Variants in ZC3H7B observed in about 807,000 individuals in gnomAD.
ZC3H7B encodes zinc finger CCCH-type containing 7B, also known as zinc finger CCCH domain-containing protein 7B.
In ZC3H7B, 35 loss-of-function variants were observed where a neutral mutation model predicts 116.0. The observed-to-expected ratio is 0.30, with a 90% CI of 0.23 to 0.40. The LOEUF (loss-of-function observed/expected upper bound fraction) is 0.40, where lower values mean the gene tolerates loss of function less well. Ranked by LOEUF, ZC3H7B falls within the 10% of genes least tolerant of loss-of-function variation. ZC3H7B has a pLI of 1.00. For missense variants in ZC3H7B, 1,011 were observed against 1,321.5 expected (o/e 0.77, Z 3.64); for synonymous variants, 502 against 545.6 (o/e 0.92, Z 1.11).
At chr22:41,345,893 C>T in intron 13 of ZC3H7B, 110 bp from the exon 14 acceptor site, 1 of 1,132,630 alleles carries the variant, frequency 8.8e-7, no homozygotes, top group Non-Finnish European at 1.3e-6. Flanking sequence ...TGGAGCGAAG[C>T]CCTGCCTGGC....
At chr22:41,331,742 A>C (rs2036387027) in intron 6 of ZC3H7B, among the ~76,000 whole-genome samples, 1 of 151,994 alleles carries the variant, frequency 6.6e-6, no homozygotes. Flanking sequence ...GTGGTGGTGC[A>C]TGCCTGTAGT....
intron 14 of ZC3H7B, among the ~76,000 whole-genome samples, chr22:41,347,713 G>T (rs995056323): frequency 3.3e-5 from 5 of 152,250 alleles, no homozygotes; most frequent in Non-Finnish European, 4.4e-5. Context: ...CCCACAGGGA[G>T]CATTGGCCTG....
intron 2 of ZC3H7B, among the ~76,000 whole-genome samples, chr22:41,323,807 A>G (rs1168420518): frequency 2.6e-5 from 4 of 152,244 alleles, no homozygotes; most frequent in Non-Finnish European, 4.4e-5. Context: ...GCGGTGGCTC[A>G]TGCCTGTAAT....
rs183742627 is a variant in ZC3H7B at position 41,309,504 on chromosome 22, G to T, written c.-7+7732G>T. 1.8e-4 allele frequency among the ~76,000 whole-genome samples: 27 copies of T among 151,064 alleles called. No individual in the cohort carries two copies. In the Admixed American group the frequency reaches 1.8e-3, roughly 10 times the overall value. On this transcript the variant is annotated intron_variant, in intron 1 of 22. Transcript: ENST00000352645. ...TAATTTTTGTATTTTTATTAGAGAT[G>T]GGGTTTCACCATGTTGGCCAGGCTG...
At chr22:41,337,977 C>G (rs1011281545) in intron 7 of ZC3H7B, among the ~76,000 whole-genome samples, 15 of 151,918 alleles carry the variant, frequency 9.9e-5, no homozygotes, top group Non-Finnish European at 1.5e-4. Context: ...AAACCATTCT[C>G]CTGCCTCAGC....
At chr22:41,305,118 G>A (rs972866731) in intron 1 of ZC3H7B, among the ~76,000 whole-genome samples, 3 of 152,136 alleles carry the variant, frequency 2.0e-5, no homozygotes, top group Non-Finnish European at 4.4e-5. Flanking sequence ...ACGCCGGGGC[G>A]GGTGGATCAC....
intron 2 of ZC3H7B, among the ~76,000 whole-genome samples, chr22:41,321,569 T>G (rs1320708936): frequency 6.6e-6 from 1 of 152,142 alleles, no homozygotes; most frequent in Non-Finnish European, 1.5e-5. Context: ...CAGGCTGGTC[T>G]CAAACTCCTG....
At chr22:41,329,031 CAAAAAAAAAAAAAA>C (rs905189346) in intron 5 of ZC3H7B, among the ~76,000 whole-genome samples, 3 of 40,482 alleles carry the variant, frequency 7.4e-5, no homozygotes, top group Non-Finnish European at 1.7e-4. Context: ...TACTAAAATA[CAAAAAAAAAAAAAA>C]AAAAAAAAAA....
intron 1 of ZC3H7B, among the ~76,000 whole-genome samples, chr22:41,304,054 G>C (rs2036008810): frequency 6.9e-6 from 1 of 145,374 alleles, no homozygotes; most frequent in South Asian, 2.2e-4. Flanking sequence ...ACCATGCCCA[G>C]CCTTCTTTTT....
chr22:41,313,583 A>C (rs1043703123), intron 1 of ZC3H7B, among the ~76,000 whole-genome samples: 1 of 152,168 alleles, frequency 6.6e-6, no homozygotes, highest in Non-Finnish European at 1.5e-5. Context: ...TGCTCATTTT[A>C]GTACATGTTG....
Position 41,327,343 on chromosome 22 carries a change from G to A in ZC3H7B, c.423G>A (p.Arg141=), listed in dbSNP as rs145727121. The A allele has an allele frequency of 1.7e-5, 27 of 1,611,992 alleles. No homozygotes were observed. The African/African-American group carries it at 3.6e-4, about 22-fold the overall frequency. The change falls in exon 5 of 23, where the codon CGG becomes CGA. Residue 141 remains arginine (R), a synonymous_variant. Coordinates refer to ENST00000352645, the MANE Select transcript of ZC3H7B (RefSeq NM_017590.6). The surrounding 1 kb of genome is among the most constrained non-coding windows in gnomAD (Gnocchi z 4.5). Reference sequence around the variant, plus strand: ...AGGAGGCCTACGAGTGCAGCAGCCGGTGTTCCCTCGCCCTGCCCCACGTGA... The same window carrying A: ...AGGAGGCCTACGAGTGCAGCAGCCGATGTTCCCTCGCCCTGCCCCACGTGA... The part of the protein sequence containing the change: ...RHKEAYECSS[R]CSLALPHDES...
chr22:41,318,396 G>A (rs963311633), intron 1 of ZC3H7B, among the ~76,000 whole-genome samples: 8 of 152,078 alleles, frequency 5.3e-5, no homozygotes, highest in African/African-American at 1.9e-4. Flanking sequence ...GGGTGTGGTG[G>A]CAGGCGCCTG....
At chr22:41,304,037 G>A (rs763205617) in intron 1 of ZC3H7B, among the ~76,000 whole-genome samples, 2 of 151,900 alleles carry the variant, frequency 1.3e-5, no homozygotes, top group Non-Finnish European at 2.9e-5. Context: ...GATTACAGGC[G>A]TGAGCCACCA....
chr22:41,356,820 A>G lies in ZC3H7B; in HGVS notation c.2681+12A>G, dbSNP rs753846653. ...CGGCTCTGCGACAGGTGCTCCTGGG[A>G]GGGCAGGGCCTGGCGGGACATGGGG... is the stretch of plus-strand genomic sequence containing the variant. On this transcript the variant is annotated intron_variant, in intron 22 of 22. Transcript: ENST00000352645. 19 of 1,612,824 alleles carry G rather than the reference A, an allele frequency of 1.2e-5. No homozygotes were observed. The highest frequency in any genetic ancestry group is 8.3e-5 in the Admixed American group (5 of 59,988).
At chr22:41,332,026 C>A in intron 6 of ZC3H7B, 145 bp from the exon 7 acceptor site, 1 of 805,130 alleles carries the variant, frequency 1.2e-6, no homozygotes, top group Non-Finnish European at 2.0e-6. Flanking sequence ...CAGTTGATTT[C>A]CGGCAGGCCT....
chr22:41,326,177 C>T (rs2036315587), intron 4 of ZC3H7B, among the ~76,000 whole-genome samples: 1 of 152,190 alleles, frequency 6.6e-6, no homozygotes, highest in Admixed American at 6.5e-5. Flanking sequence ...CTAGCCCTGC[C>T]CTAGATGAAG....
chr22:41,301,544 GTGC>G lies in ZC3H7B; in HGVS notation c.-231_-229del, dbSNP rs1365958889. On this transcript the variant is annotated 5_prime_UTR_variant, in exon 1 of 23. Coordinates refer to ENST00000352645, the MANE Select transcript of ZC3H7B (RefSeq NM_017590.6). Reference sequence around the variant, plus strand: ...TGCAGGGAGACAGTGCCTCCAGCGGGTGCTGCCGCGAGCGGCCAGCCGAGGGGC... The same window carrying G: ...TGCAGGGAGACAGTGCCTCCAGCGGGTGCCGCGAGCGGCCAGCCGAGGGGC... The G allele has an allele frequency of 6.6e-6, 1 of 152,198 alleles. No individual in the cohort carries two copies. Among genetic ancestry groups the G allele is most frequent in the African/African-American group, 2.4e-5 (1 of 41,444 alleles). 9.4% of individuals were successfully genotyped at this position (152,198 alleles called of 1,614,324 possible). A position where few individuals can be genotyped will look rare whatever the true frequency, so the allele number is the denominator to read the frequency against.
chr22:41,327,465 A>C lies in ZC3H7B; in HGVS notation c.444+101A>C. The C allele has an allele frequency of 6.8e-6, 10 of 1,469,472 alleles. No homozygotes were observed. The highest frequency in any genetic ancestry group is 2.5e-4 in the Middle Eastern group (1 of 4,042). The allele number at this position is 1,469,472 out of a possible 1,614,324, so 91.0% of individuals were successfully genotyped here. ...CAGCCACCACATCCTTCTGTGTCTC[A>C]CTTCCTCCCCTGTGACATGGCCATG... On this transcript the variant is annotated intron_variant, in intron 5 of 22. Transcript: ENST00000352645. The surrounding 1 kb of genome is among the most constrained non-coding windows in gnomAD (Gnocchi z 4.5).
At chr22:41,329,258 CTTTTTT>C (rs368796113) in intron 5 of ZC3H7B, among the ~76,000 whole-genome samples, 1 of 114,806 alleles carries the variant, frequency 8.7e-6, no homozygotes. Flanking sequence ...CAAAACTAAG[CTTTTTT>C]TTTTTTTTTT....
Sources: gnomAD v4.1 joint callset for allele counts (sites outside exome capture counted in the v4.1 genomes callset) on GRCh38, gnomAD v4.1.1 for gene constraint, Gnocchi (gnomAD v3.1) non-coding constraint, MANE v1.5 for transcripts, NCBI Gene and HGNC (gene_info 2026-07-23, HGNC 2026-07-21) for gene names.